Variants in MAPK1IP1L observed in about 807,000 individuals in gnomAD.
MAPK1IP1L encodes mitogen-activated protein kinase 1 interacting protein 1 like.
Under a neutral mutation model 18.1 loss-of-function variants are expected in MAPK1IP1L, and 10 were observed. The observed-to-expected ratio is 0.55, with a 90% CI of 0.34 to 0.94. MAPK1IP1L has a LOEUF of 0.94. Among genes scored for constraint, MAPK1IP1L ranks in the 40% least tolerant of loss-of-function variants. MAPK1IP1L has a pLI of 0.02. For missense variants in MAPK1IP1L, 260 were observed against 318.2 expected (o/e 0.82, Z 1.39); for synonymous variants, 115 against 117.3 (o/e 0.98, Z 0.13).
chr14:55,058,676 C>T (rs919576949), intron 1 of MAPK1IP1L, among the ~76,000 whole-genome samples: 1 of 151,846 alleles, frequency 6.6e-6, no homozygotes, highest in African/African-American at 2.4e-5. Flanking sequence ...ATTAAAAATA[C>T]AAAAAATTAG....
rs1307389590 is a variant in MAPK1IP1L at position 55,068,407 on chromosome 14, G to T, written c.*3780G>T. The T allele has an allele frequency of 1.3e-5, 2 of 152,604 alleles. No individual in the cohort carries two copies. The highest frequency in any genetic ancestry group is 2.9e-5 in the Non-Finnish European group (2 of 68,032). The allele number at this position is 152,604 out of a possible 1,614,324, so 9.5% of individuals were successfully genotyped here. On this transcript the variant is annotated 3_prime_UTR_variant, in exon 4 of 4. Coordinates refer to ENST00000395468, the MANE Select transcript of MAPK1IP1L (RefSeq NM_144578.4). ...GAAAAAAGCTCTACTCAGAGTTTTT[G>T]TCAAGACTGTGCCTGGGTTGAATAT...
intron 1 of MAPK1IP1L, among the ~76,000 whole-genome samples, chr14:55,060,196 G>T (rs2042806217): frequency 9.8e-6 from 1 of 102,400 alleles, no homozygotes; most frequent in African/African-American, 3.9e-5. Flanking sequence ...TTTTGATATG[G>T]AGTAGCCCTC....
rs188780629 is a variant in MAPK1IP1L, at chr14:55,064,667, G to A, written c.*40G>A. On this transcript the variant is annotated 3_prime_UTR_variant, in exon 4 of 4. Transcript: ENST00000395468. ...AAGAGATGACGCTTTGCTTTTTGAA[G>A]TACATGTATATGCACATGAATGCAT... The A allele has an allele frequency of 1.9e-6, 3 of 1,603,690 alleles. No individual in the cohort carries two copies. Among genetic ancestry groups the A allele is most frequent in the Admixed American group, 1.7e-5 (1 of 59,718 alleles).
intron 1 of MAPK1IP1L, among the ~76,000 whole-genome samples, chr14:55,056,729 T>C (rs959678874): frequency 6.6e-6 from 1 of 152,206 alleles, no homozygotes; most frequent in South Asian, 2.1e-4. Context: ...CAGGATGGTC[T>C]CAATCTCCTG....
chr14:55,056,788 C>T (rs2042775792), intron 1 of MAPK1IP1L, among the ~76,000 whole-genome samples: 1 of 152,156 alleles, frequency 6.6e-6, no homozygotes, highest in Non-Finnish European at 1.5e-5. Flanking sequence ...GGATTACAGG[C>T]GTGAGCCACC....
chr14:55,060,492 T>C (rs1465399585), intron 1 of MAPK1IP1L: 1 of 152,172 alleles, frequency 6.6e-6, no homozygotes, highest in Non-Finnish European at 1.5e-5. Context: ...TTTAATCTCA[T>C]ATATGAAAGC....
Position 55,068,150 on chromosome 14 carries a change from A to G in MAPK1IP1L, c.*3523A>G, listed in dbSNP as rs989442486. On this transcript the variant is annotated 3_prime_UTR_variant, in exon 4 of 4. Coordinates refer to ENST00000395468, the MANE Select transcript of MAPK1IP1L (RefSeq NM_144578.4). ...TTGATTATTCAGAAATAGACAATAC[A>G]TTTTTTAATTACCCAAGGACTGACT... 6.6e-6 allele frequency: 1 copy of G among 152,318 alleles called. No individual in the cohort carries two copies. The highest frequency in any genetic ancestry group is 1.5e-5 in the Non-Finnish European group (1 of 68,026). The allele number at this position is 152,318 out of a possible 1,614,324, so 9.4% of individuals were successfully genotyped here. A position where few individuals can be genotyped will look rare whatever the true frequency, so the allele number is the denominator to read the frequency against.
At position 55,062,630 on chromosome 14, in the gene MAPK1IP1L, C is replaced by T; in HGVS notation, c.31C>T (p.Leu11=). Residue 11 remains leucine (L), a synonymous_variant, in exon 3 of 4, where the codon CTA becomes TTA. Transcript: ENST00000395468. Reference sequence around the variant, plus strand: ...TTTTGTGTTCCAGTTGGCAGATGCACTACCTGAACACTCCCCTGCCAAAAC... The same window carrying T: ...TTTTGTGTTCCAGTTGGCAGATGCATTACCTGAACACTCCCCTGCCAAAAC... MSDEFSLADA[L]PEHSPAKTSA... is the part of the protein sequence containing the mutation. 1 of 1,611,804 alleles carries T rather than the reference C, an allele frequency of 6.2e-7. No homozygotes were observed. The highest frequency in any genetic ancestry group is 1.1e-5 in the South Asian group (1 of 90,888).
rs2042860418 is a variant in MAPK1IP1L at position 55,066,123 on chromosome 14, G to A, written c.*1496G>A. On this transcript the variant is annotated 3_prime_UTR_variant, in exon 4 of 4. Transcript: ENST00000395468. ...TCTAAAATGTATTGTGAATTTCTCA[G>A]ACAAACAGGATTTATGCTGGAGCTC... 1 of 152,272 alleles carries A rather than the reference G, an allele frequency of 6.6e-6. No individual in the cohort carries two copies. Among genetic ancestry groups the A allele is most frequent in the East Asian group, 1.9e-4 (1 of 5,184 alleles). 9.4% of individuals were successfully genotyped at this position (152,272 alleles called of 1,614,324 possible).
At chr14:55,061,931 C>CT (rs1450022759) in intron 2 of MAPK1IP1L, among the ~76,000 whole-genome samples, 3 of 152,162 alleles carry the variant, frequency 2.0e-5, no homozygotes, top group Admixed American at 1.3e-4. Flanking sequence ...GAGTGAGACT[C>CT]TGTCTATAAA....
intron 2 of MAPK1IP1L, 84 bp from the exon 3 acceptor site, chr14:55,062,534 A>T (rs534979745): frequency 4.3e-5 from 47 of 1,084,358 alleles, no homozygotes; most frequent in Non-Finnish European, 5.9e-5. Flanking sequence ...CTGCCCCTAT[A>T]GGTTACTATT....
rs71131248 is a variant in MAPK1IP1L, at chr14:55,060,154, ATTTTTTTTTTTTTTTTTT to A, written c.-4-1508_-4-1491del. ...TACAGATAAAAGGAATTTTGGAGAA[ATTTTTTTTTTTTTTTTTT>A]TTTTTTTTTTTTTTTTTGATATGGA... On this transcript the variant is annotated intron_variant, in intron 1 of 3. Transcript: ENST00000395468. 1.9e-4 allele frequency among the ~76,000 whole-genome samples: 12 copies of A among 63,936 alleles called. 1 individual carries two copies. The highest frequency in any genetic ancestry group is 6.0e-4 in the East Asian group (1 of 1,672). The allele number at this position is 63,936 out of a possible 152,430, so 41.9% of individuals were successfully genotyped here.
intron 1 of MAPK1IP1L, among the ~76,000 whole-genome samples, chr14:55,055,345 T>C (rs556599638): frequency 9.2e-5 from 14 of 152,276 alleles, no homozygotes; most frequent in African/African-American, 3.4e-4. Flanking sequence ...TCCAACTGTT[T>C]TTCACCTTTT....
Position 55,052,167 on chromosome 14 carries a change from G to T in MAPK1IP1L, c.-5+364G>T, listed in dbSNP as rs1229122177. On this transcript the variant is annotated intron_variant, in intron 1 of 3. Transcript: ENST00000395468. Reference sequence around the variant, plus strand: ...GCGCGACCCGCTAGGAGGCCGGTTCGCTCCGGTTGATCCCGGACTCCCTTT... The same window carrying T: ...GCGCGACCCGCTAGGAGGCCGGTTCTCTCCGGTTGATCCCGGACTCCCTTT... Among the ~76,000 whole-genome samples the T allele has an allele frequency of 6.2e-5, 9 of 144,190 alleles. No individual in the cohort carries two copies. In the Admixed American group the frequency reaches 6.8e-4, roughly 11 times the overall value. 94.6% of individuals were successfully genotyped at this position (144,190 alleles called of 152,430 possible). A position where few individuals can be genotyped will look rare whatever the true frequency, so the allele number is the denominator to read the frequency against.
chr14:55,064,703 T>C lies in MAPK1IP1L; in HGVS notation c.*76T>C. The C allele has an allele frequency of 1.4e-6, 2 of 1,467,016 alleles. No individual in the cohort carries two copies. The highest frequency in any genetic ancestry group is 1.8e-5 in the Admixed American group (1 of 56,328). 90.9% of individuals were successfully genotyped at this position (1,467,016 alleles called of 1,614,324 possible). A position where few individuals can be genotyped will look rare whatever the true frequency, so the allele number is the denominator to read the frequency against. On this transcript the variant is annotated 3_prime_UTR_variant, in exon 4 of 4. Transcript: ENST00000395468. ...TGCACATGAATGCATATATAAAAAT[T>C]GCTGGTTTCACTATTAGAGGGCATT...
intron 1 of MAPK1IP1L, among the ~76,000 whole-genome samples, chr14:55,059,743 G>T (rs1011267305): frequency 6.6e-6 from 1 of 152,122 alleles, no homozygotes; most frequent in African/African-American, 2.4e-5. Flanking sequence ...CTCTTCTCCA[G>T]CTGTAAACTG....
intron 1 of MAPK1IP1L, chr14:55,060,344 T>C (rs888821811): frequency 2.0e-5 from 3 of 151,906 alleles, no homozygotes; most frequent in Non-Finnish European, 4.4e-5. Context: ...GCTAATCGTT[T>C]TTTTGTATTT....
In MAPK1IP1L at chr14:55,064,681, A is replaced by G. The variant is rs111486446; in HGVS notation, c.*54A>G. ...TGCTTTTTGAAGTACATGTATATGCACATGAATGCATATATAAAAATTGCT... is the reference window on the plus strand; with the variant it reads ...TGCTTTTTGAAGTACATGTATATGCGCATGAATGCATATATAAAAATTGCT... On this transcript the variant is annotated 3_prime_UTR_variant, in exon 4 of 4. Transcript: ENST00000395468. The G allele has an allele frequency of 6.4e-7, 1 of 1,558,470 alleles. No homozygotes were observed. Among genetic ancestry groups the G allele is most frequent in the Non-Finnish European group, 8.8e-7 (1 of 1,135,232 alleles).
At chr14:55,054,131 C>G (rs1594622255) in intron 1 of MAPK1IP1L, among the ~76,000 whole-genome samples, 1 of 151,412 alleles carries the variant, frequency 6.6e-6, no homozygotes, top group Non-Finnish European at 1.5e-5. Context: ...GATAAATGAG[C>G]CAATACTAAA....
Sources: allele counts gnomAD v4.1 joint callset (sites outside exome capture counted in the v4.1 genomes callset), GRCh38; gene constraint gnomAD v4.1.1; transcripts MANE v1.5; gene names NCBI Gene and HGNC (gene_info 2026-07-23, HGNC 2026-07-21).